The following CHRM2 variants were observed in gnomAD, a reference collection of about 807,000 sequenced individuals.
CHRM2 encodes cholinergic receptor muscarinic 2.
CHRM2 carries 8 observed loss-of-function variants against 25.0 expected under a neutral mutation model. The observed-to-expected ratio is 0.32, with a 90% CI of 0.19 to 0.58. The LOEUF is 0.58. Ranked by LOEUF, CHRM2 falls within the 20% of genes least tolerant of loss-of-function variation. The pLI is 0.88. For missense variants in CHRM2, 440 were observed against 567.1 expected (o/e 0.78, Z 2.28); for synonymous variants, 202 against 205.7 (o/e 0.98, Z 0.15).
chr7:136,951,554 C>A (rs1433011885), intron 2 of CHRM2, among the ~76,000 whole-genome samples: 1 of 151,928 alleles, frequency 6.6e-6, no homozygotes, highest in African/African-American at 2.4e-5. Context: ...TCTCTGATTG[C>A]AAATAAGAAA....
intron 2 of CHRM2, among the ~76,000 whole-genome samples, chr7:136,989,999 A>G (rs1232149439): frequency 1.3e-5 from 2 of 152,104 alleles, no homozygotes; most frequent in East Asian, 3.9e-4. Context: ...CATGCACTGC[A>G]GTTTCTGGCC....
intron 2 of CHRM2, among the ~76,000 whole-genome samples, chr7:136,939,217 G>T (rs1799620188): frequency 6.6e-6 from 1 of 152,140 alleles, no homozygotes; most frequent in Non-Finnish European, 1.5e-5. Context: ...CCCTCTAAGA[G>T]AAGTAGTTTT....
chr7:136,872,404 T>G (rs1373167836), intron 2 of CHRM2, among the ~76,000 whole-genome samples: 1 of 152,202 alleles, frequency 6.6e-6, no homozygotes, highest in African/African-American at 2.4e-5. Context: ...CCTTCAATTT[T>G]GGGAGGCTGA....
intron 2 of CHRM2, among the ~76,000 whole-genome samples, chr7:136,941,257 G>A (rs1224832041): frequency 6.6e-6 from 1 of 152,116 alleles, no homozygotes; most frequent in Non-Finnish European, 1.5e-5. Context: ...CCTTAACTTG[G>A]CATGCAAAAT....
chr7:136,940,112 C>G (rs146109793), intron 2 of CHRM2, among the ~76,000 whole-genome samples: 185 of 152,190 alleles, frequency 1.2e-3, no homozygotes, highest in African/African-American at 4.3e-3. Context: ...AAATAATGAG[C>G]CAAAACTAAG....
Position 137,018,992 on chromosome 7 carries a change from G to A in CHRM2, c.*2726G>A, listed in dbSNP as rs1007576283. On this transcript the variant is annotated 3_prime_UTR_variant, in exon 4 of 4. Coordinates refer to ENST00000680005, the MANE Select transcript of CHRM2 (RefSeq NM_001006630.2). ...ACATTTTTGGTTGCCACACTGGGAG[G>A]AATGCTATTGGTATCTAGTGCATAG... 1.3e-5 allele frequency: 2 copies of A among 151,882 alleles called. No homozygotes were observed. The highest frequency in any genetic ancestry group is 2.9e-5 in the Non-Finnish European group (2 of 67,900). 9.4% of individuals were successfully genotyped at this position (151,882 alleles called of 1,614,324 possible).
At chr7:136,937,834 G>A (rs2130803818) in intron 2 of CHRM2, among the ~76,000 whole-genome samples, 1 of 152,274 alleles carries the variant, frequency 6.6e-6, no homozygotes, top group South Asian at 2.1e-4. Context: ...CACTTAGAAA[G>A]GGGAAACAGA....
intron 2 of CHRM2, among the ~76,000 whole-genome samples, chr7:136,913,113 T>G (rs1325609125): frequency 2.0e-5 from 3 of 151,956 alleles, no homozygotes; most frequent in Non-Finnish European, 2.9e-5. Context: ...GCATTTATAA[T>G]ACATTAAGCT....
chr7:137,015,570 G>T lies in CHRM2; in HGVS notation c.705G>T (p.Leu235=). ...ACCAAGACCCCGTTTCTCCAAGTCT[G>T]GTACAAGGAAGGATAGTGAAGCCAA... ...VANQDPVSPS[L]VQGRIVKPNN... Residue 235 remains leucine, a synonymous_variant, in exon 4 of 4, where the codon CTG becomes CTT. Coordinates refer to ENST00000680005, the MANE Select transcript of CHRM2 (RefSeq NM_001006630.2). The surrounding 1 kb of genome is among the most constrained non-coding windows in gnomAD (Gnocchi z 5.1). The T allele has an allele frequency of 6.2e-7, 1 of 1,612,852 alleles. No homozygotes were observed. The highest frequency in any genetic ancestry group is 1.1e-5 in the South Asian group (1 of 91,056).
At chr7:136,896,202 G>C (rs895797216) in intron 2 of CHRM2, among the ~76,000 whole-genome samples, 4 of 152,080 alleles carry the variant, frequency 2.6e-5, no homozygotes, top group Non-Finnish European at 5.9e-5. Context: ...TGAAAATGAG[G>C]GGGTAGGAGT....
intron 2 of CHRM2, among the ~76,000 whole-genome samples, chr7:136,917,268 A>C (rs1490804814): frequency 6.6e-6 from 1 of 150,648 alleles, no homozygotes; most frequent in East Asian, 2.0e-4. Context: ...CCTTCCTTAG[A>C]TGTTCAAATA....
intron 2 of CHRM2, among the ~76,000 whole-genome samples, chr7:136,884,096 C>A (rs937132083): frequency 2.6e-4 from 40 of 152,086 alleles, no homozygotes; most frequent in African/African-American, 9.7e-4. Context: ...TCAACTTAAT[C>A]TTGCAACTTT....
chr7:137,009,957 C>T (rs1423068962), intron 3 of CHRM2, among the ~76,000 whole-genome samples: 4 of 151,920 alleles, frequency 2.6e-5, no homozygotes, highest in Non-Finnish European at 5.9e-5. Flanking sequence ...ACATAATTTT[C>T]TGTTCACTCT....
chr7:136,898,294 A>C (rs1240264916), intron 2 of CHRM2, among the ~76,000 whole-genome samples: 1 of 152,124 alleles, frequency 6.6e-6, no homozygotes, highest in East Asian at 1.9e-4. Flanking sequence ...ATCTTATTGT[A>C]GGGTTAAATC....
intron 3 of CHRM2, among the ~76,000 whole-genome samples, chr7:137,009,902 T>C (rs1405857212): frequency 1.3e-5 from 2 of 151,926 alleles, no homozygotes; most frequent in Non-Finnish European, 2.9e-5. Flanking sequence ...CTGCGCCCCA[T>C]ACCTTCCCAC....
chr7:136,902,328 T>G (rs1470623461), intron 2 of CHRM2: 1 of 151,986 alleles, frequency 6.6e-6, no homozygotes, highest in African/African-American at 2.4e-5. Flanking sequence ...GCTTTCAGAA[T>G]TAATAATTGG....
In CHRM2 at chr7:137,016,281, A is replaced by C. The variant is rs780978947; in HGVS notation, c.*15A>C. 2.5e-6 allele frequency: 4 copies of C among 1,611,122 alleles called. No homozygotes were observed. Among genetic ancestry groups the C allele is most frequent in the East Asian group, 2.2e-5 (1 of 44,724 alleles). On this transcript the variant is annotated 3_prime_UTR_variant, in exon 4 of 4. Coordinates refer to ENST00000680005, the MANE Select transcript of CHRM2 (RefSeq NM_001006630.2). ...CTACAAGGTAAAATATCTTTGAAAA[A>C]GATAGAAGGTGGGCAAGGGGAGCTT...
At chr7:136,909,725 A>G (rs752872355) in intron 2 of CHRM2, among the ~76,000 whole-genome samples, 8 of 151,902 alleles carry the variant, frequency 5.3e-5, no homozygotes, top group Non-Finnish European at 5.9e-5. Context: ...AACCTACCTA[A>G]CCATACACCT....
At chr7:137,003,898 A>G (rs996775504) in intron 3 of CHRM2, among the ~76,000 whole-genome samples, 1 of 152,050 alleles carries the variant, frequency 6.6e-6, no homozygotes, top group Non-Finnish European at 1.5e-5. Context: ...TGATGATTTG[A>G]TAAGGGGCTT....
Sources: gnomAD v4.1 joint callset for allele counts (sites outside exome capture counted in the v4.1 genomes callset) on GRCh38, gnomAD v4.1.1 for gene constraint, Gnocchi (gnomAD v3.1) non-coding constraint, MANE v1.5 for transcripts, NCBI Gene and HGNC (gene_info 2026-07-23, HGNC 2026-07-21) for gene names.